The following PLEC variants were observed in gnomAD, a reference collection of about 807,000 sequenced individuals.
PLEC encodes hemidesmosomal protein 1.
In PLEC, 216 loss-of-function variants were observed where a neutral mutation model predicts 392.8. The observed-to-expected ratio is 0.55, with a 90% CI of 0.49 to 0.62. PLEC has a LOEUF of 0.62. Among genes scored for constraint, PLEC ranks in the 20% least tolerant of loss-of-function variants. The pLI is 0.00. For missense variants in PLEC, 6,863 were observed against 6,563.4 expected (o/e 1.05, Z -1.58); for synonymous variants, 3,621 against 2,980.6 (o/e 1.21, Z -7.00).
chr8:143,958,541 G>A (rs1554739872), upstream of PLEC: 1 of 377,430 alleles, frequency 2.6e-6, no homozygotes. This position sits in a 1 kb window ranked among gnomAD's most constrained non-coding sequence, Gnocchi z 4.9. Context: ...ACCCTGGCCT[G>A]GCCACCACCC....
intron 1 of PLEC, 132 bp downstream of exon 1, chr8:143,939,218 G>T: frequency 7.9e-7 from 1 of 1,264,764 alleles, no homozygotes; most frequent in Non-Finnish European, 1.1e-6. Context: ...GGGTGGGGAT[G>T]GCTGGCCCCC....
At chr8:143,929,077 C>T (rs375560162) in intron 25 of PLEC, 26 bp downstream of exon 25, 2 of 1,552,946 alleles carry the variant, frequency 1.3e-6, no homozygotes, top group Non-Finnish European at 1.7e-6. Context: ...GACCCCAGCC[C>T]CTCGCCTGTG....
intron 1 of PLEC, among the ~76,000 whole-genome samples, chr8:143,962,902 G>C (rs568906864): frequency 6.6e-6 from 1 of 152,314 alleles, no homozygotes; most frequent in African/African-American, 2.4e-5. Context: ...TGGGTGATTT[G>C]GGATATCTGC....
chr8:143,950,485 G>A, exon 1 of PLEC: 1 of 1,608,298 alleles, frequency 6.2e-7, no homozygotes, highest in Non-Finnish European at 8.5e-7. Flanking sequence ...CTTCATTGGT[G>A]AGGTACCAGT....
At chr8:143,952,212 G>A (rs62523991), upstream of PLEC, among the ~76,000 whole-genome samples, 39,128 of 136,256 alleles carry the variant, frequency 0.29, 5,391 homozygotes, top group African/African-American at 0.38. Flanking sequence ...ACACACACGC[G>A]CGCACACACG....
rs782779489 is a variant in PLEC, at chr8:143,973,373, C to T, written c.70+30G>A. 7.1e-6 allele frequency: 11 copies of T among 1,555,484 alleles called. No individual in the cohort carries two copies. The South Asian group carries it at 9.4e-5, about 13-fold the overall frequency. On this transcript the variant is annotated intron_variant, in intron 1 of 31. Coordinates refer to the PLEC transcript ENST00000356346. The surrounding 1 kb of genome is among the most constrained non-coding windows in gnomAD (Gnocchi z 5.6). The stretch of plus-strand genomic sequence containing the variant: ...TCGGCGGCTGGGCTGTCAGGAGCGG[C>T]CCGACAGGCAGCGGGACGGGGGGCC...
chr8:143,964,898 A>G (rs527690788), intron 1 of PLEC, among the ~76,000 whole-genome samples: 2 of 152,270 alleles, frequency 1.3e-5, no homozygotes, highest in East Asian at 3.9e-4. Flanking sequence ...TAAAAATCAT[A>G]AAAGCCACAA....
chr8:143,930,426 GC>G lies in PLEC; in HGVS notation c.2414del (p.Gly805AlafsTer16). 6.4e-7 allele frequency: 1 copy of G among 1,572,766 alleles called. No individual in the cohort carries two copies. ...CGCACACGGCCAGCAGGGGCAGGCG[GC>G]CCCGCATGGGGTGGGCTGGGTGGCG... ...KPRHPAHPMR[G>X]RLPLLAVCDY... On this transcript the variant is annotated frameshift_variant, in exon 20 of 32. Coordinates refer to ENST00000345136, the MANE Select transcript of PLEC (RefSeq NM_201384.3). LOFTEE classifies it high-confidence loss of function.
At chr8:143,950,135 A>G in intron 1 of PLEC, 1 of 1,461,184 alleles carries the variant, frequency 6.8e-7, no homozygotes, top group Non-Finnish European at 9.1e-7. Context: ...CCCGACAACC[A>G]GACCCCTACT....
chr8:143,932,357 G>C lies in PLEC; in HGVS notation c.1977+43C>G, dbSNP rs374701780. 1.1e-5 allele frequency: 18 copies of C among 1,610,548 alleles called. No homozygotes were observed. In the Admixed American group the frequency reaches 1.3e-4, roughly 12 times the overall value. On this transcript the variant is annotated intron_variant, in intron 16 of 31. Transcript: ENST00000345136. ...ATAGGGGACGGCCAGGGCACAGCTG[G>C]GGAGGGGGCTGTGGGGTTCAGGGCA...
intron 3 of PLEC, chr8:143,937,667 G>A (rs946210210): frequency 6.1e-6 from 3 of 490,712 alleles, no homozygotes; most frequent in South Asian, 1.5e-5. Context: ...GTTGGCCGAC[G>A]GGCCACCAGC....
intron 30 of PLEC, among the ~76,000 whole-genome samples, chr8:143,926,243 C>A (rs1554705124): frequency 1.3e-5 from 2 of 152,228 alleles, no homozygotes; most frequent in African/African-American, 4.8e-5. Flanking sequence ...ACCAGTGGGC[C>A]TGGCTCCCAC....
intron 1 of PLEC, among the ~76,000 whole-genome samples, chr8:143,960,733 A>G (rs1832833795): frequency 6.6e-6 from 1 of 152,228 alleles, no homozygotes; most frequent in Non-Finnish European, 1.5e-5. Flanking sequence ...GAGTAGACAG[A>G]GAAGTCTTGC....
In PLEC at chr8:143,934,435, T is replaced by G; in HGVS notation, c.1052A>C (p.Gln351Pro). ...GIYQSLEGAVQAGQLKVPPGY... is the reference protein window; with the variant it reads ...GIYQSLEGAVPAGQLKVPPGY... ...AGGGGGCACCTTGAGCTGGCCTGCT[T>G]GCACCGCTCCCTGTAGACAGGGGCC... is the stretch of plus-strand genomic sequence containing the variant. The change falls in exon 11 of 32, where the codon CAA becomes CCA. Residue 351 changes from glutamine (Q) to proline (P), a missense_variant. By Grantham distance (76) the Gln-to-Pro change is moderately conservative. Transcript: ENST00000345136. 6.2e-7 allele frequency: 1 copy of G among 1,611,622 alleles called. No homozygotes were observed. Among genetic ancestry groups the G allele is most frequent in the Non-Finnish European group, 8.5e-7 (1 of 1,179,864 alleles).
intron 5 of PLEC, among the ~76,000 whole-genome samples, chr8:143,936,312 G>C (rs78619470): frequency 6.6e-6 from 1 of 152,202 alleles, no homozygotes. Context: ...CCCTAGCTGG[G>C]GAGGGCTAGG....
rs888716282 is a variant in PLEC at position 143,919,321 on chromosome 8, G to A, written c.10500C>T (p.Arg3500=). The A allele has an allele frequency of 9.3e-6, 15 of 1,613,866 alleles. No homozygotes were observed. The highest frequency in any genetic ancestry group is 4.0e-5 in the African/African-American group (3 of 74,954). The change falls in exon 32 of 32, where the codon CGC becomes CGT. Residue 3500 remains arginine (R), a synonymous_variant. Coordinates refer to ENST00000345136, the MANE Select transcript of PLEC (RefSeq NM_201384.3). ...TGTCGTCGCTGGGGTCCGCCAGGAC[G>A]CGGTTCATCTCCTCACTGAAGTAGC... ...QRGYFSEEMN[R]VLADPSDDTK...
intron 1 of PLEC, among the ~76,000 whole-genome samples, chr8:143,968,574 G>T (rs7844087): frequency 8.3e-6 from 1 of 120,708 alleles, no homozygotes; most frequent in Admixed American, 7.8e-5. Flanking sequence ...TAAAAAGGCA[G>T]ACCACAGAAA....
upstream of PLEC, chr8:143,958,460 G>T (rs1366002105): frequency 3.2e-6 from 1 of 312,718 alleles, no homozygotes; most frequent in Non-Finnish European, 6.6e-6. The surrounding 1 kb of genome is among the most constrained non-coding windows in gnomAD (Gnocchi z 4.9). Context: ...CCACCCACAT[G>T]ACCATCCATT....
chr8:143,928,716 T>C (rs948805031), intron 25 of PLEC, among the ~76,000 whole-genome samples: 17 of 152,174 alleles, frequency 1.1e-4, no homozygotes, highest in Non-Finnish European at 1.9e-4. Context: ...ACATAACACA[T>C]TGGAAATAAA....
Sources: gnomAD v4.1 joint callset for allele counts (sites outside exome capture counted in the v4.1 genomes callset) on GRCh38, gnomAD v4.1.1 for gene constraint, Gnocchi (gnomAD v3.1) non-coding constraint, MANE v1.5 for transcripts, NCBI Gene and HGNC (gene_info 2026-07-23, HGNC 2026-07-21) for gene names.